Variants in KCNIP1 observed in about 807,000 individuals in gnomAD.
KCNIP1 encodes A-type potassium channel modulatory protein KCNIP1.
Under a neutral mutation model 33.0 loss-of-function variants are expected in KCNIP1, and 18 were observed. The ratio of observed to expected loss-of-function variants is 0.55; its 90% CI spans 0.38 to 0.81. KCNIP1 has a LOEUF of 0.81. Among genes scored for constraint, KCNIP1 ranks in the 30% least tolerant of loss-of-function variants. The pLI is 0.00. For missense variants in KCNIP1, 238 were observed against 271.6 expected (o/e 0.88, Z 0.87); for synonymous variants, 93 against 98.3 (o/e 0.95, Z 0.32).
At chr5:170,717,922 T>C (rs1763689735) in intron 1 of KCNIP1, among the ~76,000 whole-genome samples, 1 of 152,230 alleles carries the variant, frequency 6.6e-6, no homozygotes, top group Admixed American at 6.5e-5. Context: ...ATAGAACACA[T>C]TCTGGCAGGG....
chr5:170,358,143 T>G (rs1396479421), intron 1 of KCNIP1, among the ~76,000 whole-genome samples: 1 of 152,038 alleles, frequency 6.6e-6, no homozygotes, highest in Non-Finnish European at 1.5e-5. Context: ...AGGTTTAAAC[T>G]CATCTCCTTC....
chr5:170,482,795 T>A (rs972033180), intron 1 of KCNIP1, among the ~76,000 whole-genome samples: 1 of 152,184 alleles, frequency 6.6e-6, no homozygotes, highest in South Asian at 2.1e-4. Flanking sequence ...TTATAATAAC[T>A]TCCACAGCCT....
At chr5:170,655,327 C>T (rs1478785960) in intron 1 of KCNIP1, among the ~76,000 whole-genome samples, 6 of 152,130 alleles carry the variant, frequency 3.9e-5, no homozygotes, top group Non-Finnish European at 8.8e-5. Flanking sequence ...AGGTCACACT[C>T]GGCCCAGTGA....
intron 1 of KCNIP1, among the ~76,000 whole-genome samples, chr5:170,490,460 G>A (rs572880595): frequency 6.6e-5 from 10 of 152,272 alleles, no homozygotes; most frequent in Non-Finnish European, 1.2e-4. Flanking sequence ...AAATGACACA[G>A]AACTACACAC....
chr5:170,595,907 C>A (rs540141008), intron 1 of KCNIP1, among the ~76,000 whole-genome samples: 2 of 152,204 alleles, frequency 1.3e-5, no homozygotes, highest in South Asian at 4.2e-4. Flanking sequence ...GCTCTGCTAA[C>A]CTTAATGAAG....
intron 1 of KCNIP1, among the ~76,000 whole-genome samples, chr5:170,682,445 T>C (rs1039433543): frequency 1.3e-5 from 2 of 152,330 alleles, no homozygotes; most frequent in East Asian, 1.9e-4. Context: ...TATGTAAGGA[T>C]GTTTTTTAGC....
upstream of KCNIP1, chr5:170,503,988 G>GCCGCCCCCT: frequency 4.3e-6 from 2 of 460,100 alleles, no homozygotes; most frequent in Non-Finnish European, 5.6e-6. Context: ...TTGCCCGCCC[G>GCCGCCCCCT]CCGCCCCCTC....
chr5:170,675,205 G>T (rs1368243975), intron 1 of KCNIP1, among the ~76,000 whole-genome samples: 1 of 151,868 alleles, frequency 6.6e-6, no homozygotes, highest in Non-Finnish European at 1.5e-5. Context: ...AGGCTAAGGT[G>T]GGGGGATCAC....
intron 1 of KCNIP1, among the ~76,000 whole-genome samples, chr5:170,717,880 G>C (rs1423258621): frequency 6.6e-6 from 1 of 152,198 alleles, no homozygotes; most frequent in African/African-American, 2.4e-5. Flanking sequence ...GAGAAGGTTA[G>C]ATGGCAATTG....
intron 1 of KCNIP1, among the ~76,000 whole-genome samples, chr5:170,670,916 A>ATT (rs1561754446): frequency 9.4e-5 from 5 of 53,130 alleles, no homozygotes; most frequent in Admixed American, 3.5e-4. Flanking sequence ...AAAAAAAATA[A>ATT]AAAAAAAAGA....
At chr5:170,557,889 G>A (rs900781614) in intron 1 of KCNIP1, among the ~76,000 whole-genome samples, 1 of 152,216 alleles carries the variant, frequency 6.6e-6, no homozygotes, top group African/African-American at 2.4e-5. Context: ...AAGATTAAAT[G>A]ACAGGAGACA....
intron 1 of KCNIP1, among the ~76,000 whole-genome samples, chr5:170,394,173 G>T (rs1327252617): frequency 6.6e-6 from 1 of 152,152 alleles, no homozygotes; most frequent in African/African-American, 2.4e-5. Context: ...CTCTTCCACA[G>T]GACTCCCCGC....
chr5:170,434,605 G>T (rs1395598734), intron 1 of KCNIP1, among the ~76,000 whole-genome samples: 1 of 152,136 alleles, frequency 6.6e-6, no homozygotes, highest in Non-Finnish European at 1.5e-5. Flanking sequence ...CAGGGACCTG[G>T]GTTGACTGGG....
chr5:170,503,973 C>G (rs983964325), upstream of KCNIP1: 5 of 878,120 alleles, frequency 5.7e-6, no homozygotes, highest in South Asian at 1.6e-4. Context: ...CCCGCCCCTC[C>G]GTAGTTGCCC....
At chr5:170,647,636 T>A (rs1207322391) in intron 1 of KCNIP1, among the ~76,000 whole-genome samples, 4 of 146,606 alleles carry the variant, frequency 2.7e-5, no homozygotes, top group Non-Finnish European at 6.0e-5. Flanking sequence ...TAAAAATGGG[T>A]AATAGATCTA....
chr5:170,642,271 T>G (rs892847790), intron 1 of KCNIP1: 3 of 152,536 alleles, frequency 2.0e-5, no homozygotes, highest in African/African-American at 7.2e-5. Context: ...GCCTCCTCAG[T>G]GCTGCATCTT....
chr5:170,480,210 C>T (rs186117508), intron 1 of KCNIP1, among the ~76,000 whole-genome samples: 2 of 152,240 alleles, frequency 1.3e-5, no homozygotes, highest in East Asian at 1.9e-4. Context: ...AGAGTCAATG[C>T]GATCGTTTCC....
intron 1 of KCNIP1, among the ~76,000 whole-genome samples, chr5:170,379,336 A>G (rs1272713455): frequency 6.6e-6 from 1 of 152,166 alleles, no homozygotes; most frequent in Non-Finnish European, 1.5e-5. Context: ...TTCAAAGGAT[A>G]TTATGAAAGA....
chr5:170,390,517 A>ATCTATAT (rs1554088941), intron 1 of KCNIP1, among the ~76,000 whole-genome samples: 1 of 74,546 alleles, frequency 1.3e-5, no homozygotes. Flanking sequence ...AAAAAAAACA[A>ATCTATAT]ATATATATAT....
Sources: gnomAD v4.1 joint callset for allele counts (sites outside exome capture counted in the v4.1 genomes callset) on GRCh38, gnomAD v4.1.1 for gene constraint, MANE v1.5 for transcripts, NCBI Gene and HGNC (gene_info 2026-07-23, HGNC 2026-07-21) for gene names.